Variants in WWOX observed in about 807,000 individuals in gnomAD.
The protein encoded by WWOX is WW domain-containing oxidoreductase.
A neutral mutation model predicts 46.2 loss-of-function variants in WWOX; 69 were observed. The observed-to-expected ratio is 1.49, with a 90% CI of 1.23 to 1.82. WWOX has a LOEUF of 1.82. Among genes scored for constraint, WWOX ranks in the 40% most tolerant of loss-of-function variants. The pLI, the probability that WWOX is intolerant of heterozygous loss-of-function variation, is 0.00. For synonymous variants in WWOX, 359 were observed against 202.6 expected, an observed-to-expected ratio of 1.77 and a Z score of -6.56; for missense variants, 919 against 542.6, an observed-to-expected ratio of 1.69 and a Z score of -6.89.
chr16:78,141,681 T>G (rs1024962648), intron 4 of WWOX, among the ~76,000 whole-genome samples: 1 of 152,194 alleles, frequency 6.6e-6, no homozygotes, highest in Admixed American at 6.5e-5. Context: ...GTGTGTTTAT[T>G]CATAAAAATT....
intron 8 of WWOX, among the ~76,000 whole-genome samples, chr16:78,706,255 A>G (rs1024435789): frequency 6.6e-6 from 1 of 152,058 alleles, no homozygotes; most frequent in Non-Finnish European, 1.5e-5. Flanking sequence ...TATTTGACCC[A>G]TATAAACTTT....
chr16:78,432,391 C>T (rs2083242659), intron 7 of WWOX, 97 bp from the exon 8 acceptor site: 3 of 1,505,456 alleles, frequency 2.0e-6, no homozygotes, highest in Non-Finnish European at 9.1e-7. Flanking sequence ...CAGATGTGAG[C>T]CACTGCACCC....
chr16:78,366,584 C>G (rs1191286231), intron 5 of WWOX, among the ~76,000 whole-genome samples: 1 of 152,178 alleles, frequency 6.6e-6, no homozygotes, highest in Admixed American at 6.5e-5. Context: ...AATTCCTGCC[C>G]AGCACCTGGC....
intron 8 of WWOX, among the ~76,000 whole-genome samples, chr16:78,905,617 G>A (rs1042127653): frequency 5.9e-5 from 9 of 152,074 alleles, no homozygotes; most frequent in African/African-American, 1.4e-4. Context: ...CGAGATGCAC[G>A]TGAATCTCCA....
At chr16:78,683,831 C>A (rs991726310) in intron 8 of WWOX, among the ~76,000 whole-genome samples, 4 of 152,162 alleles carry the variant, frequency 2.6e-5, no homozygotes, top group African/African-American at 9.7e-5. Context: ...TTCAGATTTT[C>A]TGAGTGTTTA....
chr16:78,457,456 C>T (rs953151195), intron 8 of WWOX, among the ~76,000 whole-genome samples: 1 of 152,176 alleles, frequency 6.6e-6, no homozygotes, highest in Admixed American at 6.5e-5. Context: ...AGGTGAATTT[C>T]ACCAATTGGT....
chr16:78,639,890 A>C (rs1331295643), intron 8 of WWOX, among the ~76,000 whole-genome samples: 2 of 152,060 alleles, frequency 1.3e-5, no homozygotes, highest in Non-Finnish European at 2.9e-5. Flanking sequence ...TGTGAGGATG[A>C]AGAGTAATAG....
At chr16:78,978,694 A>G (rs1221572195) in intron 8 of WWOX, among the ~76,000 whole-genome samples, 2 of 152,186 alleles carry the variant, frequency 1.3e-5, no homozygotes, top group Non-Finnish European at 2.9e-5. Context: ...CCAGAGCAGG[A>G]GCAACAGAGA....
chr16:78,714,699 G>C (rs1321179357), intron 8 of WWOX, among the ~76,000 whole-genome samples: 1 of 152,172 alleles, frequency 6.6e-6, no homozygotes, highest in African/African-American at 2.4e-5. Flanking sequence ...GCATGTTTGA[G>C]ACACTGAAGT....
chr16:79,087,239 C>A (rs1012013116), intron 8 of WWOX, among the ~76,000 whole-genome samples: 4 of 152,324 alleles, frequency 2.6e-5, no homozygotes, highest in Non-Finnish European at 2.9e-5. Flanking sequence ...TGGATCAGTG[C>A]CTCTCTTCCC....
Position 78,272,469 on chromosome 16 carries a change from G to A in WWOX, c.516+108180G>A, listed in dbSNP as rs116029089. Among the ~76,000 whole-genome samples the A allele has an allele frequency of 8.2e-3, 1,252 of 152,282 alleles. 13 individuals are homozygous for A. Among genetic ancestry groups the A allele is most frequent in the African/African-American group, 0.026 (1,069 of 41,574 alleles). On this transcript the variant is annotated intron_variant, in intron 5 of 8. Coordinates refer to ENST00000566780, the MANE Select transcript of WWOX (RefSeq NM_016373.4). ...ATGGCCTGGCTTAGGGGTTGGCACAGCATGACTGCTGTGGACTAAGCAGTT... is the reference window on the plus strand; with the variant it reads ...ATGGCCTGGCTTAGGGGTTGGCACAACATGACTGCTGTGGACTAAGCAGTT...
chr16:78,631,099 C>G (rs1390379255), intron 8 of WWOX, among the ~76,000 whole-genome samples: 3 of 152,112 alleles, frequency 2.0e-5, no homozygotes, highest in Non-Finnish European at 4.4e-5. Flanking sequence ...GCATCACATA[C>G]ATTATATGCA....
intron 8 of WWOX, among the ~76,000 whole-genome samples, chr16:78,770,823 A>G (rs1031103921): frequency 4.5e-4 from 69 of 152,230 alleles, no homozygotes; most frequent in African/African-American, 1.3e-3. Flanking sequence ...AAGCCGAGCA[A>G]TGCTAAATGT....
intron 8 of WWOX, among the ~76,000 whole-genome samples, chr16:79,032,974 G>A (rs1265178138): frequency 6.6e-6 from 1 of 151,360 alleles, no homozygotes; most frequent in Non-Finnish European, 1.5e-5. Context: ...TTGTGTCTAT[G>A]TGCTCTCATC....
chr16:78,441,672 G>T (rs1664131458), intron 8 of WWOX, among the ~76,000 whole-genome samples: 1 of 152,086 alleles, frequency 6.6e-6, no homozygotes, highest in Admixed American at 6.6e-5. Context: ...CTTGGGCAAG[G>T]TTCAAAACCT....
chr16:79,183,038 C>T (rs995265245), intron 8 of WWOX, among the ~76,000 whole-genome samples: 1 of 152,178 alleles, frequency 6.6e-6, no homozygotes, highest in African/African-American at 2.4e-5. Context: ...GGAGGGGTCA[C>T]CCCTGCCGTC....
At chr16:79,140,260 T>G (rs951000859) in intron 8 of WWOX, among the ~76,000 whole-genome samples, 6 of 152,244 alleles carry the variant, frequency 3.9e-5, no homozygotes, top group African/African-American at 1.4e-4. Flanking sequence ...ATGCACGCTC[T>G]GAGCAGTCTA....
At position 78,796,747 on chromosome 16, in the gene WWOX, A is replaced by G. The variant is rs185651159; in HGVS notation, c.1056+363995A>G. On this transcript the variant is annotated intron_variant, in intron 8 of 8. Transcript: ENST00000566780. ...AGCCAGAAGCATTCTTCAGTTCCCA[A>G]CGGCCATCCAGCCACTCATTGCTGT... Among the ~76,000 whole-genome samples, 687 of 152,190 alleles carry G rather than the reference A, an allele frequency of 4.5e-3. 5 individuals are homozygous for G. The highest frequency in any genetic ancestry group is 0.016 in the African/African-American group (648 of 41,504).
At chr16:78,603,449 T>C (rs551481410) in intron 8 of WWOX, among the ~76,000 whole-genome samples, 6 of 152,278 alleles carry the variant, frequency 3.9e-5, no homozygotes, top group African/African-American at 1.4e-4. Context: ...AATCCCAGCA[T>C]TTTGGGAGGT....
Sources: gnomAD v4.1 joint callset for allele counts (sites outside exome capture counted in the v4.1 genomes callset) on GRCh38, gnomAD v4.1.1 for gene constraint, MANE v1.5 for transcripts, NCBI Gene and HGNC (gene_info 2026-07-23, HGNC 2026-07-21) for gene names.